The following ARHGEF33 variants were observed in gnomAD, a reference collection of about 807,000 sequenced individuals.
The protein encoded by ARHGEF33 is Rho guanine nucleotide exchange factor 33.
In ARHGEF33, 72 loss-of-function variants were observed where a neutral mutation model predicts 101.9. That is an observed-to-expected ratio of 0.71 (90% CI 0.58 to 0.86). The LOEUF (loss-of-function observed/expected upper bound fraction) is 0.86, where lower values mean the gene tolerates loss of function less well. Among genes scored for constraint, ARHGEF33 ranks in the 40% least tolerant of loss-of-function variants. The pLI, the probability that ARHGEF33 is intolerant of heterozygous loss-of-function variation, is 0.00. For missense variants in ARHGEF33, 1,169 were observed against 1,111.3 expected, an observed-to-expected ratio of 1.05 and a Z score of -0.74; for synonymous variants, 499 against 442.5, an observed-to-expected ratio of 1.13 and a Z score of -1.60.
rs1259194361 is a variant in ARHGEF33 at position 38,956,966 on chromosome 2, TC to T, written c.1291del (p.Arg431GlufsTer84). The T allele has an allele frequency of 1.3e-6, 2 of 1,552,304 alleles. No individual in the cohort carries two copies. The highest frequency in any genetic ancestry group is 1.7e-6 in the Non-Finnish European group (2 of 1,147,132). On this transcript the variant is annotated frameshift_variant, in exon 14 of 18. Transcript: ENST00000409978. LOFTEE classifies it high-confidence loss of function. ...CTACTACTGGTGTGTGTCCAGCGCCTCCGAGTATTTATCTCACACTACACCC... is the reference window on the plus strand; with the variant it reads ...CTACTACTGGTGTGTGTCCAGCGCCTCGAGTATTTATCTCACACTACACCC... ...YYLLLVCVQR[L>X]RVFISHYTLL...
At chr2:38,929,645 T>C in intron 5 of ARHGEF33, 64 bp from the exon 6 acceptor site, 1 of 1,350,932 alleles carries the variant, frequency 7.4e-7, no homozygotes, top group East Asian at 2.5e-5. Flanking sequence ...TACAGTGTGC[T>C]AGATTATGTT....
In ARHGEF33 at chr2:38,960,429, T is replaced by A; in HGVS notation, c.2124T>A (p.Ser708=). The stretch of plus-strand genomic sequence containing the variant: ...GCAAGGCCAAGCCGCTGAGCCGCTC[T>A]CTCAAAGAGTTCCCGCGTGCGCCGC... ...AHGKAKPLSR[S]LKEFPRAPPA... is the part of the protein sequence containing the mutation. Residue 708 remains serine (S), a synonymous_variant, in exon 16 of 18, where the codon TCT becomes TCA. Coordinates refer to ENST00000409978, the MANE Select transcript of ARHGEF33 (RefSeq NM_001145451.5). 2 of 1,508,118 alleles carry A rather than the reference T, an allele frequency of 1.3e-6. No homozygotes were observed. Among genetic ancestry groups the A allele is most frequent in the Admixed American group, 2.1e-5 (1 of 48,456 alleles). The allele number at this position is 1,508,118 out of a possible 1,614,324, so 93.4% of individuals were successfully genotyped here.
At chr2:38,968,275 A>G (rs1024570305) in intron 17 of ARHGEF33, among the ~76,000 whole-genome samples, 4 of 152,166 alleles carry the variant, frequency 2.6e-5, no homozygotes, top group Non-Finnish European at 4.4e-5. Context: ...GCCTCTGGTC[A>G]GGGATGCTAT....
intron 14 of ARHGEF33, 119 bp downstream of exon 14, chr2:38,957,166 A>T: frequency 8.2e-7 from 1 of 1,225,886 alleles, no homozygotes; most frequent in Non-Finnish European, 1.1e-6. Flanking sequence ...AGAAGGAAAG[A>T]GAGAAGGGGA....
At chr2:38,935,734 A>G in intron 7 of ARHGEF33, 41 bp from the exon 8 acceptor site, 9 of 1,522,476 alleles carry the variant, frequency 5.9e-6, no homozygotes, top group Non-Finnish European at 8.0e-6. Flanking sequence ...AGTCCATGTT[A>G]GTGGAATGAA....
intron 9 of ARHGEF33, among the ~76,000 whole-genome samples, chr2:38,943,616 C>A (rs1042909934): frequency 6.6e-6 from 1 of 152,174 alleles, no homozygotes; most frequent in Non-Finnish European, 1.5e-5. Flanking sequence ...TCAGCATTGT[C>A]CCTTATTTGC....
At chr2:38,922,029 A>G (rs1460508375) in intron 4 of ARHGEF33, among the ~76,000 whole-genome samples, 2 of 152,212 alleles carry the variant, frequency 1.3e-5, no homozygotes, top group Non-Finnish European at 2.9e-5. Flanking sequence ...AAGTTCTGCA[A>G]AACATCTTTG....
At chr2:38,915,443 G>A (rs1292691121) in intron 2 of ARHGEF33, among the ~76,000 whole-genome samples, 2 of 149,194 alleles carry the variant, frequency 1.3e-5, no homozygotes, top group Admixed American at 6.7e-5. Context: ...GGAGTGCAGC[G>A]GCGTGATCTC....
At chr2:38,917,102 C>CTTTTTTTTTTTTTTTTTTTT (rs371044814) in intron 2 of ARHGEF33, among the ~76,000 whole-genome samples, 4 of 129,324 alleles carry the variant, frequency 3.1e-5, no homozygotes, top group Non-Finnish European at 4.8e-5. Flanking sequence ...AACCGGTCTT[C>CTTTTTTTTTTTTTTTTTTTT]TTTTTTTGAG....
intron 2 of ARHGEF33, among the ~76,000 whole-genome samples, chr2:38,902,819 A>G (rs1471910030): frequency 6.6e-6 from 1 of 152,206 alleles, no homozygotes; most frequent in Non-Finnish European, 1.5e-5. Context: ...ATATAACATT[A>G]TCATTTGATT....
intron 9 of ARHGEF33, among the ~76,000 whole-genome samples, chr2:38,941,997 G>A (rs1667321208): frequency 1.3e-5 from 1 of 74,894 alleles, no homozygotes; most frequent in Admixed American, 1.8e-4. Context: ...GGAAATACAT[G>A]TCTTGGGATT....
chr2:38,905,476 C>G (rs1241230143), intron 2 of ARHGEF33, among the ~76,000 whole-genome samples: 1 of 152,176 alleles, frequency 6.6e-6, no homozygotes, highest in Non-Finnish European at 1.5e-5. Context: ...CATTTTAGAG[C>G]TACCAGGACT....
intron 6 of ARHGEF33, 26 bp from the exon 7 acceptor site, chr2:38,931,083 G>A: frequency 1.3e-6 from 2 of 1,532,962 alleles, no homozygotes; most frequent in Non-Finnish European, 1.8e-6. Flanking sequence ...AACCAGAATA[G>A]CCTTGTCTTT....
chr2:38,909,805 G>A (rs1248823423), intron 2 of ARHGEF33, among the ~76,000 whole-genome samples: 2 of 145,022 alleles, frequency 1.4e-5, no homozygotes, highest in Non-Finnish European at 3.0e-5. Context: ...TGTGAGAATT[G>A]TCTTATCTCC....
intron 4 of ARHGEF33, among the ~76,000 whole-genome samples, chr2:38,922,128 GT>G (rs1224565279): frequency 1.3e-5 from 2 of 152,096 alleles, no homozygotes; most frequent in South Asian, 2.1e-4. Flanking sequence ...GCACATCTCT[GT>G]TCTTAAAAAT....
At chr2:38,901,827 A>C (rs1046280765) in intron 2 of ARHGEF33, among the ~76,000 whole-genome samples, 1 of 152,194 alleles carries the variant, frequency 6.6e-6, no homozygotes, top group African/African-American at 2.4e-5. Flanking sequence ...ATTAACAACT[A>C]GCATGAGGCC....
chr2:38,930,458 C>G (rs1666971845), intron 6 of ARHGEF33, among the ~76,000 whole-genome samples: 1 of 151,774 alleles, frequency 6.6e-6, no homozygotes, highest in South Asian at 2.1e-4. Flanking sequence ...AATGATTCTC[C>G]CACCTCAGTC....
chr2:38,896,059 A>G (rs1666115909), intron 2 of ARHGEF33, among the ~76,000 whole-genome samples: 1 of 152,226 alleles, frequency 6.6e-6, no homozygotes. Flanking sequence ...CTTCTAAACC[A>G]GCTATGTTAC....
At chr2:38,927,794 C>CAAGTA (rs1253813402) in intron 4 of ARHGEF33, among the ~76,000 whole-genome samples, 28 of 152,174 alleles carry the variant, frequency 1.8e-4, no homozygotes, top group Middle Eastern at 3.2e-3. Flanking sequence ...AAGAGTTCCT[C>CAAGTA]CACTTGATAG....
Sources: allele counts gnomAD v4.1 joint callset (sites outside exome capture counted in the v4.1 genomes callset), GRCh38; gene constraint gnomAD v4.1.1; transcripts MANE v1.5; gene names NCBI Gene and HGNC (gene_info 2026-07-23, HGNC 2026-07-21).